Variants in DNAH17 observed in about 807,000 individuals in gnomAD.
The protein encoded by DNAH17 is axonemal beta dynein heavy chain 17.
In DNAH17, 376 loss-of-function variants were observed where a neutral mutation model predicts 485.6. The ratio of observed to expected loss-of-function variants is 0.77; its 90% CI spans 0.71 to 0.84. DNAH17 has a LOEUF of 0.84. DNAH17 is among the 40% of genes least tolerant of loss of function. The pLI is 0.00. For synonymous variants in DNAH17, 3,031 were observed against 2,405.9 expected, an observed-to-expected ratio of 1.26 and a Z score of -7.60; for missense variants, 6,370 against 5,839.3, an observed-to-expected ratio of 1.09 and a Z score of -2.96.
chr17:78,571,719 G>C lies in DNAH17; in HGVS notation c.603C>G (p.Ser201=). The change falls in exon 4 of 81, where the codon TCC becomes TCG. Residue 201 remains serine (S), a synonymous_variant. Transcript: ENST00000389840. ...TGCTCAGCACATCCCGGATCTGGTGGGACCAGTCGATGATGGTGGTTTCAA... is the reference window on the plus strand; with the variant it reads ...TGCTCAGCACATCCCGGATCTGGTGCGACCAGTCGATGATGGTGGTTTCAA... The part of the protein sequence containing the change: ...HAIETTIIDW[S]HQIRDVLSKD... The C allele has an allele frequency of 1.9e-6, 3 of 1,613,440 alleles. No homozygotes were observed. The highest frequency in any genetic ancestry group is 1.7e-6 in the Non-Finnish European group (2 of 1,179,542).
rs530399319 is a variant in DNAH17 at position 78,553,722 on chromosome 17, A to T, written c.2179-917T>A. Among the ~76,000 whole-genome samples the T allele has an allele frequency of 5.3e-5, 8 of 152,326 alleles. No individual in the cohort carries two copies. The South Asian group carries it at 1.4e-3, about 28-fold the overall frequency. ...AGGATTTATGTACGGTTACTGTTTTATGTTATAGTATTCCTATCTCTTTCT... is the reference window on the plus strand; with the variant it reads ...AGGATTTATGTACGGTTACTGTTTTTTGTTATAGTATTCCTATCTCTTTCT... On this transcript the variant is annotated intron_variant, in intron 14 of 80. Coordinates refer to ENST00000389840, the MANE Select transcript of DNAH17 (RefSeq NM_173628.4).
chr17:78,479,996 C>T (rs1010858906), intron 49 of DNAH17, among the ~76,000 whole-genome samples: 18 of 125,260 alleles, frequency 1.4e-4, no homozygotes, highest in African/African-American at 4.8e-4. Context: ...ATCTGAATTT[C>T]AGATAAACAA....
intron 48 of DNAH17, 129 bp downstream of exon 48, chr17:78,484,739 A>ACCCCCCCCCC (rs1230693196): frequency 8.6e-6 from 3 of 347,794 alleles, no homozygotes; most frequent in Non-Finnish European, 4.6e-6. Flanking sequence ...ACGTTGCAGC[A>ACCCCCCCCCC]CCCCCCCCAC....
At position 78,437,753 on chromosome 17, in the gene DNAH17, G is replaced by A. The variant is rs1326545359; in HGVS notation, c.11921C>T (p.Pro3974Leu). 3.4e-5 allele frequency: 55 copies of A among 1,612,412 alleles called. No homozygotes were observed. Among genetic ancestry groups the A allele is most frequent in the Non-Finnish European group, 4.6e-5 (54 of 1,179,718 alleles). Residue 3974 changes from proline (P) to leucine (L), a missense_variant, in exon 74 of 81, where the codon CCC becomes CTC. Physicochemically the swap from Pro to Leu is moderately conservative, Grantham distance 98. Transcript: ENST00000389840. ...VFISAEPAPS[P>L]ETHIIPQGIL... ...GCCCTGGGGGATGATGTGGGTCTCG[G>A]GGCTGGGGGCAGGCTCCGCGCTGAT...
Position 78,525,166 on chromosome 17 carries a change from G to A in DNAH17, c.3712-5C>T, listed in dbSNP as rs2091033255. On this transcript the variant is annotated splice_polypyrimidine_tract_variant and splice_region_variant and intron_variant, in intron 24 of 80. Coordinates refer to ENST00000389840, the MANE Select transcript of DNAH17 (RefSeq NM_173628.4). Reference sequence around the variant, plus strand: ...GGCGGAGATGCTCTTTTGTTGCTAGGGGCGGCGAGGGGGCCGTCAGTAGGG... The same window carrying A: ...GGCGGAGATGCTCTTTTGTTGCTAGAGGCGGCGAGGGGGCCGTCAGTAGGG... 6.2e-7 allele frequency: 1 copy of A among 1,611,116 alleles called. No individual in the cohort carries two copies.
chr17:78,548,506 G>A (rs372847022), intron 16 of DNAH17, among the ~76,000 whole-genome samples: 12 of 152,054 alleles, frequency 7.9e-5, no homozygotes, highest in African/African-American at 1.4e-4. Context: ...ACCCGGCCAC[G>A]GCCTTTTTAA....
chr17:78,561,619 C>T (rs2092156500), intron 12 of DNAH17, 96 bp downstream of exon 12: 4 of 1,409,180 alleles, frequency 2.8e-6, no homozygotes, highest in Non-Finnish European at 2.8e-6. Context: ...GTCTGGTCGA[C>T]AGGAGGGGTG....
rs4246439 is a variant in DNAH17, at chr17:78,529,819, T to C, written c.3285-125A>G. Reference sequence around the variant, plus strand: ...ACTGGCCATCACTGAAGGCCCCAGGTGGGGAGGGAGCGCCCCTGCCCACCT... The same window carrying C: ...ACTGGCCATCACTGAAGGCCCCAGGCGGGGAGGGAGCGCCCCTGCCCACCT... On this transcript the variant is annotated intron_variant, in intron 21 of 80. Transcript: ENST00000389840. The C allele has an allele frequency of 0.6, 573,562 of 948,174 alleles. 175,667 individuals are homozygous for C. The highest frequency in any genetic ancestry group is 0.65 in the Middle Eastern group (2,332 of 3,590). The allele number at this position is 948,174 out of a possible 1,614,324, so 58.7% of individuals were successfully genotyped here.
chr17:78,532,490 G>C lies in DNAH17; in HGVS notation c.3106C>G (p.Gln1036Glu). The C allele has an allele frequency of 6.2e-7, 1 of 1,610,346 alleles. No homozygotes were observed. ...PKTPPTLAQF[Q>E]EQIDSYEKLY... ...GTGAGGTCTGCACGCACCTGCTCCTGGAACTGAGCCAGGGTGGGCGGTGTC... is the reference window on the plus strand; with the variant it reads ...GTGAGGTCTGCACGCACCTGCTCCTCGAACTGAGCCAGGGTGGGCGGTGTC... Residue 1036 changes from glutamine to glutamate, a missense_variant, in exon 20 of 81, where the codon CAG (glutamine) becomes GAG (glutamate). Transcript: ENST00000389840.
chr17:78,437,523 C>T (rs187892097), intron 74 of DNAH17, 118 bp downstream of exon 74: 182 of 681,668 alleles, frequency 2.7e-4, no homozygotes, highest in Admixed American at 1.7e-3. Flanking sequence ...CAGGGGAAGC[C>T]CAGAGGGGAG....
chr17:78,558,137 G>C lies in DNAH17; in HGVS notation c.2149C>G (p.Leu717Val), dbSNP rs1568251925. Residue 717 changes from leucine to valine, a missense_variant, in exon 14 of 81, where the codon CTG becomes GTG. Physicochemically the swap from Leu to Val is conservative, Grantham distance 32. Coordinates refer to ENST00000389840, the MANE Select transcript of DNAH17 (RefSeq NM_173628.4). The stretch of plus-strand genomic sequence containing the variant: ...TTATACCAGCCAACGATGAGCTCCA[G>C]GTTGCCCACAAACTTCCGGAAAGTT... Reference protein sequence around the residue: ...NETFRKFVGNLELIVGWYNEI... With the variant: ...NETFRKFVGNVELIVGWYNEI... 1 of 1,613,802 alleles carries C rather than the reference G, an allele frequency of 6.2e-7. No individual in the cohort carries two copies. The highest frequency in any genetic ancestry group is 8.5e-7 in the Non-Finnish European group (1 of 1,179,826).
At chr17:78,429,986 G>A (rs562133833) in intron 75 of DNAH17, among the ~76,000 whole-genome samples, 1 of 152,162 alleles carries the variant, frequency 6.6e-6, no homozygotes, top group South Asian at 2.1e-4. Flanking sequence ...GACCAAACTC[G>A]GCAGTGTGGA....
At chr17:78,454,827 G>T in intron 63 of DNAH17, 122 bp from the exon 64 acceptor site, 1 of 800,324 alleles carries the variant, frequency 1.2e-6, no homozygotes, top group South Asian at 1.7e-5. Context: ...AGGACGACCT[G>T]GGAGAAGCCA....
chr17:78,532,444 T>C, intron 20 of DNAH17, 38 bp downstream of exon 20: 3 of 1,576,136 alleles, frequency 1.9e-6, no homozygotes, highest in Non-Finnish European at 2.6e-6. Context: ...TGGAAGACTC[T>C]GGAGACAAGG....
intron 33 of DNAH17, 148 bp from the exon 34 acceptor site, chr17:78,502,021 G>C (rs1339738981): frequency 1.8e-6 from 2 of 1,141,860 alleles, no homozygotes; most frequent in Non-Finnish European, 2.5e-6. Flanking sequence ...GTAGGCCCCA[G>C]CCAGGCACTG....
At chr17:78,494,877 G>A in intron 39 of DNAH17, 57 bp from the exon 40 acceptor site, 1 of 1,572,688 alleles carries the variant, frequency 6.4e-7, no homozygotes, top group East Asian at 2.3e-5. Context: ...TGGCCAGCAG[G>A]CAGGTCTGGA....
At chr17:78,485,493 G>C (rs1351788129) in intron 47 of DNAH17, 57 bp downstream of exon 47, 1 of 1,506,500 alleles carries the variant, frequency 6.6e-7, no homozygotes, top group African/African-American at 1.4e-5. Context: ...GGACAGGAGG[G>C]AACGGGGACT....
chr17:78,505,439 G>T lies in DNAH17; in HGVS notation c.4810C>A (p.Arg1604Ser). 1.2e-6 allele frequency: 2 copies of T among 1,613,986 alleles called. No individual in the cohort carries two copies. Among genetic ancestry groups the T allele is most frequent in the Non-Finnish European group, 1.7e-6 (2 of 1,179,894 alleles). Reference sequence around the variant, plus strand: ...CTATCGAAGAGTTTGGACAGGTGGCGGCTCACCTGGGAGGAGGCAAGAAGC... The same window carrying T: ...CTATCGAAGAGTTTGGACAGGTGGCTGCTCACCTGGGAGGAGGCAAGAAGC... ...SNGNDPVEVS[R>S]HLSKLFDSLC... Residue 1604 changes from arginine to serine, a missense_variant, in exon 31 of 81, where the codon CGC becomes AGC. Coordinates refer to ENST00000389840, the MANE Select transcript of DNAH17 (RefSeq NM_173628.4).
rs867062708 is a variant in DNAH17, at chr17:78,526,911, C to T, written c.3593G>A (p.Ser1198Asn). The change falls in exon 23 of 81, where the codon AGC (serine) becomes AAC (asparagine). Residue 1198 changes from serine (S) to asparagine (N), a missense_variant. Physicochemically the swap from Ser to Asn is conservative, Grantham distance 46. Coordinates refer to ENST00000389840, the MANE Select transcript of DNAH17 (RefSeq NM_173628.4). ...TVAPLQANEVSILRRKCQQFE... is the reference protein window; with the variant it reads ...TVAPLQANEVNILRRKCQQFE... ...TTGCTGGCATTTCCGCCGCAGGATG[C>T]TGACCTCGTTGGCCTGGAGTGGTGC... 1 of 1,581,938 alleles carries T rather than the reference C, an allele frequency of 6.3e-7. No individual in the cohort carries two copies. Among genetic ancestry groups the T allele is most frequent in the African/African-American group, 1.3e-5 (1 of 74,408 alleles).
Sources: gnomAD v4.1 joint callset for allele counts (sites outside exome capture counted in the v4.1 genomes callset) on GRCh38, gnomAD v4.1.1 for gene constraint, MANE v1.5 for transcripts, NCBI Gene and HGNC (gene_info 2026-07-23, HGNC 2026-07-21) for gene names.